AP3B1: variants seen among roughly 807,000 people sequenced by gnomAD.
The protein encoded by AP3B1 is AP-3 complex subunit beta-1.
A neutral mutation model predicts 132.5 loss-of-function variants in AP3B1; 61 were observed. The observed-to-expected ratio is 0.46, with a 90% CI of 0.37 to 0.57. The LOEUF (loss-of-function observed/expected upper bound fraction) is 0.57. Among genes scored for constraint, AP3B1 ranks in the 20% least tolerant of loss-of-function variants. AP3B1 has a pLI of 0.00. For missense variants in AP3B1, 1,120 were observed against 1,289.4 expected, an observed-to-expected ratio of 0.87 and a Z score of 2.01; for synonymous variants, 388 against 438.3, an observed-to-expected ratio of 0.89 and a Z score of 1.43.
At chr5:78,024,603 C>T (rs12518971) in intron 24 of AP3B1, among the ~76,000 whole-genome samples, 25,023 of 141,458 alleles carry the variant, frequency 0.18, 2,721 homozygotes, top group Admixed American at 0.28. Flanking sequence ...CTCACTCTGT[C>T]GCCCAGGCTG....
intron 1 of AP3B1, among the ~76,000 whole-genome samples, chr5:78,281,455 A>T (rs1299293756): frequency 6.6e-6 from 1 of 151,830 alleles, no homozygotes; most frequent in Non-Finnish European, 1.5e-5. Context: ...AAAAAAAAAA[A>T]AACAGTTCTC....
At chr5:78,193,086 AT>A (rs1407024700) in intron 7 of AP3B1, among the ~76,000 whole-genome samples, 1 of 152,136 alleles carries the variant, frequency 6.6e-6, no homozygotes, top group Non-Finnish European at 1.5e-5. Context: ...ACTCAGATAT[AT>A]TTTTATATTG....
intron 6 of AP3B1, among the ~76,000 whole-genome samples, chr5:78,224,043 TGCA>T (rs1746298848): frequency 6.6e-6 from 1 of 152,166 alleles, no homozygotes; most frequent in Non-Finnish European, 1.5e-5. Flanking sequence ...GCCAATCTCT[TGCA>T]CTTATAATAG....
At chr5:78,245,495 C>T (rs1747342950) in intron 2 of AP3B1, among the ~76,000 whole-genome samples, 1 of 152,132 alleles carries the variant, frequency 6.6e-6, no homozygotes, top group African/African-American at 2.4e-5. Flanking sequence ...TCCTCAGAGG[C>T]CTCTTGTGGC....
At position 78,075,725 on chromosome 5, in the gene AP3B1, C is replaced by T. The variant is rs368308455; in HGVS notation, c.2577+13668G>A. On this transcript the variant is annotated intron_variant, in intron 22 of 26. Coordinates refer to ENST00000255194, the MANE Select transcript of AP3B1 (RefSeq NM_003664.5). ...AATGGGGTTGCTTCTTCCTATCCTTCGGCCTATAAATCCATGGGGAGCTGA... is the reference window on the plus strand; with the variant it reads ...AATGGGGTTGCTTCTTCCTATCCTTTGGCCTATAAATCCATGGGGAGCTGA... Among the ~76,000 whole-genome samples, 92 of 152,336 alleles carry T rather than the reference C, an allele frequency of 6.0e-4. 1 individual carries two copies. The highest frequency in any genetic ancestry group is 2.1e-3 in the African/African-American group (87 of 41,572).
intron 22 of AP3B1, among the ~76,000 whole-genome samples, chr5:78,077,261 T>C (rs944310702): frequency 3.9e-5 from 6 of 152,206 alleles, no homozygotes; most frequent in African/African-American, 1.4e-4. Flanking sequence ...GGGTTTGTGA[T>C]CCACAAGGAT....
intron 21 of AP3B1, among the ~76,000 whole-genome samples, chr5:78,097,098 C>T (rs1305318134): frequency 8.2e-6 from 1 of 121,568 alleles, no homozygotes; most frequent in Non-Finnish European, 1.8e-5. Flanking sequence ...CCGCCCCGTC[C>T]GGGAGGGAGG....
chr5:78,180,628 A>G (rs552278130), intron 8 of AP3B1, among the ~76,000 whole-genome samples: 7 of 152,022 alleles, frequency 4.6e-5, no homozygotes, highest in Non-Finnish European at 8.8e-5. Flanking sequence ...ATGAAATGAA[A>G]TTTTATTAAA....
At chr5:78,281,053 C>G (rs1749028245) in intron 1 of AP3B1, among the ~76,000 whole-genome samples, 1 of 152,128 alleles carries the variant, frequency 6.6e-6, no homozygotes, top group Non-Finnish European at 1.5e-5. Context: ...GAAAAAAAGT[C>G]CTACAAATTT....
At chr5:78,200,966 C>A (rs1285588803) in intron 7 of AP3B1, among the ~76,000 whole-genome samples, 2 of 151,994 alleles carry the variant, frequency 1.3e-5, no homozygotes, top group Non-Finnish European at 2.9e-5. Context: ...AGGGTGGGCC[C>A]TAATACAATG....
At chr5:78,092,776 T>C (rs573687386) in intron 21 of AP3B1, among the ~76,000 whole-genome samples, 2 of 152,104 alleles carry the variant, frequency 1.3e-5, no homozygotes, top group Non-Finnish European at 2.9e-5. Flanking sequence ...GCCTCCTGAG[T>C]AGCTAGTATT....
At chr5:78,159,729 G>A (rs1315330189) in intron 13 of AP3B1, among the ~76,000 whole-genome samples, 2 of 152,148 alleles carry the variant, frequency 1.3e-5, no homozygotes, top group Admixed American at 6.5e-5. Context: ...CAGGTTCTGG[G>A]CATCTTTGGA....
intron 17 of AP3B1, among the ~76,000 whole-genome samples, chr5:78,118,950 C>T (rs1398526743): frequency 2.6e-5 from 4 of 152,216 alleles, no homozygotes; most frequent in South Asian, 2.1e-4. Context: ...ACACCTCACA[C>T]GGCCGGGTAC....
chr5:78,098,849 T>C (rs1751011742), intron 21 of AP3B1, among the ~76,000 whole-genome samples: 1 of 152,128 alleles, frequency 6.6e-6, no homozygotes, highest in Non-Finnish European at 1.5e-5. Context: ...AAAGAGACAA[T>C]AATCAAGTAC....
At chr5:78,119,000 A>C (rs1752009315) in intron 17 of AP3B1, among the ~76,000 whole-genome samples, 1 of 152,210 alleles carries the variant, frequency 6.6e-6, no homozygotes, top group Non-Finnish European at 1.5e-5. Flanking sequence ...ATCAGGCAGC[A>C]GCATTTGCAG....
chr5:78,239,188 A>G (rs1348222887), intron 3 of AP3B1, among the ~76,000 whole-genome samples: 1 of 152,120 alleles, frequency 6.6e-6, no homozygotes, highest in Non-Finnish European at 1.5e-5. Context: ...TTCCAGAATC[A>G]GCCCAGGCAC....
chr5:78,024,126 G>A (rs766721325), intron 24 of AP3B1, among the ~76,000 whole-genome samples: 61 of 152,068 alleles, frequency 4.0e-4, no homozygotes, highest in Non-Finnish European at 7.4e-4. Flanking sequence ...TAGGCTACTC[G>A]AAGAATGAGA....
intron 13 of AP3B1, among the ~76,000 whole-genome samples, chr5:78,158,109 C>A (rs1260618631): frequency 6.6e-6 from 1 of 152,124 alleles, no homozygotes; most frequent in African/African-American, 2.4e-5. Flanking sequence ...AAACAAAATT[C>A]ATCATTCTAA....
intron 14 of AP3B1, among the ~76,000 whole-genome samples, chr5:78,142,828 T>C (rs994868071): frequency 1.3e-5 from 2 of 152,166 alleles, no homozygotes; most frequent in Admixed American, 6.6e-5. Context: ...TAAAAATCTA[T>C]TCATGCAGTG....
Sources: allele counts gnomAD v4.1 joint callset (sites outside exome capture counted in the v4.1 genomes callset), GRCh38; gene constraint gnomAD v4.1.1; transcripts MANE v1.5; gene names NCBI Gene and HGNC (gene_info 2026-07-23, HGNC 2026-07-21).